VPS26C: variants seen among roughly 807,000 people sequenced by gnomAD.
VPS26C encodes VPS26 endosomal protein sorting factor C, also known as vacuolar protein sorting-associated protein 26C.
VPS26C carries 19 observed loss-of-function variants against 30.6 expected under a neutral mutation model. That is an observed-to-expected ratio of 0.62 (90% confidence interval 0.43 to 0.91). VPS26C has a LOEUF of 0.91. Ranked by LOEUF, VPS26C falls within the 40% of genes least tolerant of loss-of-function variation. The pLI is 0.00. For missense variants in VPS26C, 318 were observed against 385.1 expected (o/e 0.83, Z 1.46); for synonymous variants, 132 against 151.5 (o/e 0.87, Z 0.95).
At chr21:37,234,404 G>T (rs779032786) in intron 3 of VPS26C, among the ~76,000 whole-genome samples, 11 of 152,208 alleles carry the variant, frequency 7.2e-5, no homozygotes, top group South Asian at 4.1e-4. Flanking sequence ...GGTGCCTACT[G>T]CAAGGTGAGC....
chr21:37,249,139 A>G (rs2086167159), intron 1 of VPS26C, among the ~76,000 whole-genome samples: 1 of 152,218 alleles, frequency 6.6e-6, no homozygotes, highest in Non-Finnish European at 1.5e-5. Flanking sequence ...AGAAAACAAG[A>G]TATCATCCAT....
Position 37,246,826 on chromosome 21 carries a change from T to C in VPS26C, c.58-6187A>G, listed in dbSNP as rs569273828. Among the ~76,000 whole-genome samples, 8 of 152,288 alleles carry C rather than the reference T, an allele frequency of 5.3e-5. No individual in the cohort carries two copies. In the South Asian group the frequency reaches 1.2e-3, roughly 24 times the overall value. ...AGGCTGGAGTACAGTAGTGTGATCATAGCTCACTGCAACCTCCACCTCCCA... is the reference window on the plus strand; with the variant it reads ...AGGCTGGAGTACAGTAGTGTGATCACAGCTCACTGCAACCTCCACCTCCCA... On this transcript the variant is annotated intron_variant, in intron 1 of 7. Coordinates refer to ENST00000309117, the MANE Select transcript of VPS26C (RefSeq NM_006052.2).
chr21:37,229,668 G>A (rs989266344), intron 5 of VPS26C, among the ~76,000 whole-genome samples: 1 of 152,100 alleles, frequency 6.6e-6, no homozygotes. Flanking sequence ...TTCATCCTGA[G>A]TCTTTGAAAT....
rs1338105417 is a variant in VPS26C at position 37,235,870 on chromosome 21, TATATA to T, written c.352-2433_352-2429del. Reference sequence around the variant, plus strand: ...GTGTGTGTATATATATATATATATATATATATATATTTTTTTTTTTAATTAAAAAA... The same window carrying T: ...GTGTGTGTATATATATATATATATATTATATTTTTTTTTTTAATTAAAAAA... On this transcript the variant is annotated intron_variant, in intron 3 of 7. Coordinates refer to ENST00000309117, the MANE Select transcript of VPS26C (RefSeq NM_006052.2). Among the ~76,000 whole-genome samples the T allele has an allele frequency of 6.2e-3, 784 of 126,802 alleles. 2 individuals are homozygous for T. The highest frequency in any genetic ancestry group is 0.012 in the African/African-American group (392 of 33,654). 83.2% of individuals were successfully genotyped at this position (126,802 alleles called of 152,430 possible).
At chr21:37,242,068 C>G (rs527407617) in intron 1 of VPS26C, among the ~76,000 whole-genome samples, 110 of 152,276 alleles carry the variant, frequency 7.2e-4, no homozygotes, top group Admixed American at 1.4e-3. Context: ...AAAACAAACA[C>G]GATCATCTCC....
chr21:37,231,673 C>T (rs2085965439), intron 5 of VPS26C: 1 of 152,570 alleles, frequency 6.6e-6, no homozygotes, highest in South Asian at 2.1e-4. Context: ...CAGGACTCCA[C>T]TGTTTAGGAG....
upstream of VPS26C, chr21:37,267,425 C>T: frequency 1.3e-6 from 1 of 753,710 alleles, no homozygotes. Flanking sequence ...GACCTCGCAG[C>T]GGCGTCGCAC....
chr21:37,259,042 T>C (rs2086276949), intron 1 of VPS26C, among the ~76,000 whole-genome samples: 1 of 152,200 alleles, frequency 6.6e-6, no homozygotes, highest in Admixed American at 6.5e-5. Flanking sequence ...AAAGTTTGGA[T>C]GACTGTATTC....
chr21:37,243,291 A>G (rs1412346735), intron 1 of VPS26C, among the ~76,000 whole-genome samples: 3 of 152,308 alleles, frequency 2.0e-5, no homozygotes, highest in South Asian at 4.1e-4. Context: ...GGCCGTGACT[A>G]CAAAGAGGGA....
chr21:37,264,935 T>C (rs1421413914), intron 1 of VPS26C, among the ~76,000 whole-genome samples: 1 of 152,200 alleles, frequency 6.6e-6, no homozygotes, highest in Non-Finnish European at 1.5e-5. Context: ...ATCCATACAA[T>C]GGAATATTAT....
chr21:37,251,603 G>A (rs1019912699), intron 1 of VPS26C, among the ~76,000 whole-genome samples: 1 of 152,198 alleles, frequency 6.6e-6, no homozygotes, highest in African/African-American at 2.4e-5. Flanking sequence ...TGATAGCTGT[G>A]GTTGCCCCAC....
At chr21:37,237,091 T>A (rs1377815131) in intron 3 of VPS26C, among the ~76,000 whole-genome samples, 1 of 152,070 alleles carries the variant, frequency 6.6e-6, no homozygotes, top group Non-Finnish European at 1.5e-5. Flanking sequence ...AGCACACACG[T>A]TTTCTATGTA....
chr21:37,228,174 G>T, intron 6 of VPS26C, 49 bp downstream of exon 6: 1 of 1,588,574 alleles, frequency 6.3e-7, no homozygotes, highest in African/African-American at 1.3e-5. Context: ...CGTGAGGGTG[G>T]CAGTCGAGGG....
Position 37,223,536 on chromosome 21 carries a change from G to C in VPS26C, c.*2008C>G, listed in dbSNP as rs2085869497. ...TAAATATTTTCATCTCATTAAAAAT[G>C]GTTTCTTCCTTTAAAATTTCCCAGA... On this transcript the variant is annotated 3_prime_UTR_variant, in exon 8 of 8. Transcript: ENST00000309117. The C allele has an allele frequency of 6.6e-6, 1 of 152,136 alleles. No individual in the cohort carries two copies. The highest frequency in any genetic ancestry group is 1.5e-5 in the Non-Finnish European group (1 of 68,034). 9.4% of individuals were successfully genotyped at this position (152,136 alleles called of 1,614,324 possible).
At position 37,236,437 on chromosome 21, in the gene VPS26C, G is replaced by A. The variant is rs185088463; in HGVS notation, c.351+2023C>T. On this transcript the variant is annotated intron_variant, in intron 3 of 7. Coordinates refer to ENST00000309117, the MANE Select transcript of VPS26C (RefSeq NM_006052.2). ...TCTTAAATTTATTTTCTCAAAAGACGACAAATTTTGATATGAATCAAGAAT... is the reference window on the plus strand; with the variant it reads ...TCTTAAATTTATTTTCTCAAAAGACAACAAATTTTGATATGAATCAAGAAT... Among the ~76,000 whole-genome samples, 658 of 152,216 alleles carry A rather than the reference G, an allele frequency of 4.3e-3. 5 individuals carry two copies. Among genetic ancestry groups the A allele is most frequent in the Non-Finnish European group, 5.9e-3 (402 of 67,988 alleles).
chr21:37,233,179 C>T lies in VPS26C; in HGVS notation c.432+183G>A, dbSNP rs2085983784. Reference sequence around the variant, plus strand: ...GGCCTCAGCTGGGGGACTCTGGGCCCAGGACAATGATGCACACGTGATGCG... The same window carrying T: ...GGCCTCAGCTGGGGGACTCTGGGCCTAGGACAATGATGCACACGTGATGCG... On this transcript the variant is annotated intron_variant, in intron 4 of 7. Transcript: ENST00000309117. This position sits in a 1 kb window ranked among gnomAD's most constrained non-coding sequence, Gnocchi z 5.2. 1.7e-6 allele frequency: 1 copy of T among 582,416 alleles called. No individual in the cohort carries two copies. The highest frequency in any genetic ancestry group is 3.1e-6 in the Non-Finnish European group (1 of 325,766). The allele number at this position is 582,416 out of a possible 1,614,324, so 36.1% of individuals were successfully genotyped here.
chr21:37,238,347 A>T, intron 3 of VPS26C, 113 bp downstream of exon 3: 1 of 1,248,920 alleles, frequency 8.0e-7, no homozygotes, highest in Non-Finnish European at 1.1e-6. Context: ...AGGTCTCAGC[A>T]ATAAACACAG....
chr21:37,228,596 G>C (rs1235151760), intron 5 of VPS26C: 3 of 500,850 alleles, frequency 6.0e-6, no homozygotes, highest in African/African-American at 5.8e-5. Context: ...CTGACACTCT[G>C]TGTACAGAGA....
At chr21:37,232,096 G>A (rs1344277488) in intron 5 of VPS26C, 1 of 430,406 alleles carries the variant, frequency 2.3e-6, no homozygotes. Flanking sequence ...GCAGCAGGGG[G>A]TCTTGGGGGC....
Sources: gnomAD v4.1 joint callset for allele counts (sites outside exome capture counted in the v4.1 genomes callset) on GRCh38, gnomAD v4.1.1 for gene constraint, Gnocchi (gnomAD v3.1) non-coding constraint, MANE v1.5 for transcripts, NCBI Gene and HGNC (gene_info 2026-07-23, HGNC 2026-07-21) for gene names.